The following SKA2 variants were observed in gnomAD, a reference collection of about 807,000 sequenced individuals.
SKA2 encodes spindle and kinetochore-associated protein 2.
A neutral mutation model predicts 16.9 loss-of-function variants in SKA2; 13 were observed. That is an observed-to-expected ratio of 0.77 (90% CI 0.50 to 1.22). The LOEUF is 1.22. Ranked by LOEUF, SKA2 falls within the 50% of genes most tolerant of loss-of-function variation. SKA2 has a pLI of 0.00. For synonymous variants in SKA2, 47 were observed against 48.5 expected (o/e 0.97, Z 0.13); for missense variants, 107 against 139.7 (o/e 0.77, Z 1.18).
At chr17:59,154,936 T>G in intron 1 of SKA2, 195 bp downstream of exon 1, 1 of 1,611,876 alleles carries the variant, frequency 6.2e-7, no homozygotes, top group Non-Finnish European at 8.5e-7. Context: ...CTGACGAGTT[T>G]CCCGGATGTA....
chr17:59,138,887 T>C (rs1045280824), intron 1 of SKA2, among the ~76,000 whole-genome samples: 48 of 152,328 alleles, frequency 3.2e-4, no homozygotes, highest in African/African-American at 1.2e-3. Context: ...CACTTGCTTT[T>C]TACAAACAAC....
At chr17:59,145,026 G>A (rs1029821279) in intron 1 of SKA2, among the ~76,000 whole-genome samples, 1 of 152,168 alleles carries the variant, frequency 6.6e-6, no homozygotes, top group African/African-American at 2.4e-5. Context: ...TGGAACTCCT[G>A]ACCGCAGATG....
At chr17:59,125,849 A>C (rs1056475719) in intron 2 of SKA2, among the ~76,000 whole-genome samples, 16 of 152,020 alleles carry the variant, frequency 1.1e-4, no homozygotes, top group Non-Finnish European at 2.4e-4. Context: ...GCTTAAAAGA[A>C]TCTATAGGGA....
chr17:59,153,445 A>G (rs2046592405), intron 1 of SKA2, among the ~76,000 whole-genome samples: 1 of 152,136 alleles, frequency 6.6e-6, no homozygotes, highest in Admixed American at 6.5e-5. Flanking sequence ...CCCCACACAC[A>G]CTGCACAAAG....
intron 1 of SKA2, among the ~76,000 whole-genome samples, chr17:59,136,098 G>A (rs2046442859): frequency 6.6e-6 from 1 of 151,826 alleles, no homozygotes; most frequent in African/African-American, 2.4e-5. Context: ...ACAGCTTGTG[G>A]GTAGAATGTT....
At chr17:59,140,043 TG>T (rs2046476200) in intron 1 of SKA2, among the ~76,000 whole-genome samples, 1 of 152,218 alleles carries the variant, frequency 6.6e-6, no homozygotes, top group African/African-American at 2.4e-5. Context: ...CTTTTTCTGC[TG>T]GAGAAAGTAT....
intron 1 of SKA2, among the ~76,000 whole-genome samples, chr17:59,153,193 T>C (rs959056854): frequency 6.6e-6 from 1 of 152,230 alleles, no homozygotes; most frequent in Non-Finnish European, 1.5e-5. Flanking sequence ...TAGCATCATT[T>C]AGCAGAAATG....
intron 3 of SKA2, among the ~76,000 whole-genome samples, chr17:59,115,555 A>G (rs181908100): frequency 6.6e-6 from 1 of 152,224 alleles, no homozygotes; most frequent in African/African-American, 2.4e-5. Context: ...CTTCTACCTC[A>G]AAAAAAGGAA....
chr17:59,143,727 C>A (rs1337146334), intron 1 of SKA2, among the ~76,000 whole-genome samples: 1 of 152,138 alleles, frequency 6.6e-6, no homozygotes, highest in African/African-American at 2.4e-5. Context: ...CTCGCCACGG[C>A]CTCCCAAATG....
At chr17:59,136,980 C>A (rs2046450190) in intron 1 of SKA2, among the ~76,000 whole-genome samples, 1 of 152,060 alleles carries the variant, frequency 6.6e-6, no homozygotes, top group African/African-American at 2.4e-5. Context: ...GATATTTAAG[C>A]CATTAAGAGT....
At chr17:59,145,013 G>A (rs998306871) in intron 1 of SKA2, among the ~76,000 whole-genome samples, 14 of 152,150 alleles carry the variant, frequency 9.2e-5, no homozygotes, top group Admixed American at 8.5e-4. Flanking sequence ...GCCCAGGCTG[G>A]TCTGGAACTC....
At chr17:59,113,906 T>G (rs1267820251) in intron 3 of SKA2, among the ~76,000 whole-genome samples, 1 of 152,132 alleles carries the variant, frequency 6.6e-6, no homozygotes, top group Non-Finnish European at 1.5e-5. Context: ...TGGGCTGACT[T>G]ATTTAGCAAC....
intron 1 of SKA2, among the ~76,000 whole-genome samples, chr17:59,146,557 ACTGATT>A (rs1177839265): frequency 2.6e-5 from 4 of 152,206 alleles, no homozygotes; most frequent in Non-Finnish European, 4.4e-5. Context: ...AGAATCAAGG[ACTGATT>A]CTAACTTTTA....
At chr17:59,142,913 G>A (rs1052818964) in intron 1 of SKA2, among the ~76,000 whole-genome samples, 18 of 141,464 alleles carry the variant, frequency 1.3e-4, no homozygotes, top group Non-Finnish European at 2.0e-4. Context: ...GGCAACAAGA[G>A]CGTAACCCCA....
intron 2 of SKA2, among the ~76,000 whole-genome samples, chr17:59,125,238 G>A (rs1365675536): frequency 6.3e-5 from 9 of 143,832 alleles, no homozygotes; most frequent in Admixed American, 1.5e-4. Context: ...TGATCCACCC[G>A]CCTTGGCCTC....
chr17:59,125,147 A>ATT (rs10719455), intron 2 of SKA2, among the ~76,000 whole-genome samples: 144 of 95,910 alleles, frequency 1.5e-3, no homozygotes, highest in Admixed American at 4.0e-3. Flanking sequence ...CTAATTTTGT[A>ATT]TTTTTTTTTT....
intron 3 of SKA2, among the ~76,000 whole-genome samples, chr17:59,114,854 T>G (rs1425898877): frequency 6.6e-6 from 1 of 152,144 alleles, no homozygotes; most frequent in Non-Finnish European, 1.5e-5. Context: ...AGGTCATCTC[T>G]AGAGAGACTG....
chr17:59,128,130 G>A (rs1343646820), intron 2 of SKA2, among the ~76,000 whole-genome samples: 2 of 151,764 alleles, frequency 1.3e-5, no homozygotes, highest in African/African-American at 2.4e-5. Flanking sequence ...CAGGAGAATC[G>A]CTTGAACCCA....
intron 2 of SKA2, among the ~76,000 whole-genome samples, chr17:59,120,378 T>C (rs1244636265): frequency 2.6e-5 from 4 of 152,146 alleles, no homozygotes; most frequent in South Asian, 2.1e-4. Context: ...GACATTTCAA[T>C]TGGACCCCTT....
Sources: gnomAD v4.1 joint callset for allele counts (sites outside exome capture counted in the v4.1 genomes callset) on GRCh38, gnomAD v4.1.1 for gene constraint, MANE v1.5 for transcripts, NCBI Gene and HGNC (gene_info 2026-07-23, HGNC 2026-07-21) for gene names.